NCAPD3: variants seen among roughly 807,000 people sequenced by gnomAD.
NCAPD3 encodes non-SMC condensin II complex subunit D3, also known as condensin-2 complex subunit D3.
In NCAPD3, 105 loss-of-function variants were observed where a neutral mutation model predicts 182.9. The ratio of observed to expected loss-of-function variants is 0.57; its 90% confidence interval spans 0.49 to 0.68. NCAPD3 has a LOEUF of 0.68. Among genes scored for constraint, NCAPD3 ranks in the 30% least tolerant of loss-of-function variants. NCAPD3 has a pLI of 0.00. For synonymous variants in NCAPD3, 815 were observed against 679.9 expected (o/e 1.20, Z -3.09); for missense variants, 1,944 against 1,837.0 (o/e 1.06, Z -1.07).
In NCAPD3 at chr11:134,185,506, A is replaced by C. The variant is rs1048901325; in HGVS notation, c.2066T>G (p.Phe689Cys). 6.2e-7 allele frequency: 1 copy of C among 1,602,986 alleles called. No individual in the cohort carries two copies. The highest frequency in any genetic ancestry group is 1.3e-5 in the African/African-American group (1 of 74,306). The stretch of plus-strand genomic sequence containing the variant: ...TTTTTCTTTCTTGGACCAGATATGA[A>C]AAGCCTTATTTAAATATCGGCTGGA... ...QELSRYLNKA[F>C]HIWSKKEKFS... The change falls in exon 17 of 35, where the codon TTT becomes TGT. Residue 689 changes from phenylalanine to cysteine, a missense_variant. This residue lies in a region of NCAPD3 where 1,803 missense variants were observed against 1,674.6 expected (regional missense o/e 1.08). Coordinates refer to ENST00000534548, the MANE Select transcript of NCAPD3 (RefSeq NM_015261.3).
Position 134,204,152 on chromosome 11 carries a change from T to C in NCAPD3, c.1109A>G (p.Tyr370Cys), listed in dbSNP as rs1157655772. 2 of 1,613,638 alleles carry C rather than the reference T, an allele frequency of 1.2e-6. No individual in the cohort carries two copies. The highest frequency in any genetic ancestry group is 1.3e-5 in the African/African-American group (1 of 74,886). The change falls in exon 10 of 35, where the codon TAT becomes TGT. Residue 370 changes from tyrosine (Y) to cysteine (C), a missense_variant. Coordinates refer to ENST00000534548, the MANE Select transcript of NCAPD3 (RefSeq NM_015261.3). This position sits in a 1 kb window ranked among gnomAD's most constrained non-coding sequence, Gnocchi z 4.3. Reference sequence around the variant, plus strand: ...TAGGGACTGGGCTGCAAAAGTACGATACTCTGATTTATCTACCACCTGAAA... The same window carrying C: ...TAGGGACTGGGCTGCAAAAGTACGACACTCTGATTTATCTACCACCTGAAA... ...ICAKVVDKSE[Y>C]RTFAAQSLVQ...
chr11:134,153,483 A>G, intron 32 of NCAPD3, 120 bp from the exon 33 acceptor site: 1 of 970,796 alleles, frequency 1.0e-6, no homozygotes, highest in Non-Finnish European at 1.7e-6. Context: ...CGGCCCTCAG[A>G]CCTCCACTGG....
Position 134,157,921 on chromosome 11 carries a change from G to A in NCAPD3, c.4174+7C>T, listed in dbSNP as rs749133222. 8 of 1,612,056 alleles carry A rather than the reference G, an allele frequency of 5.0e-6. No individual in the cohort carries two copies. In the African/African-American group the frequency reaches 5.3e-5, roughly 11 times the overall value. ...CTACTGTGTCTGGCACCAAACATAA[G>A]GCTTACCCTGACTGCACGTTTTTTC... is the stretch of plus-strand genomic sequence containing the variant. On this transcript the variant is annotated splice_region_variant and intron_variant, in intron 31 of 34. Coordinates refer to ENST00000534548, the MANE Select transcript of NCAPD3 (RefSeq NM_015261.3).
intron 32 of NCAPD3, among the ~76,000 whole-genome samples, chr11:134,154,815 G>C (rs1375942063): frequency 6.6e-6 from 1 of 152,248 alleles, no homozygotes; most frequent in Non-Finnish European, 1.5e-5. Context: ...CCCATTTACA[G>C]TTCAAAGCTC....
chr11:134,190,569 C>T (rs1397745126), intron 16 of NCAPD3, among the ~76,000 whole-genome samples: 1 of 152,168 alleles, frequency 6.6e-6, no homozygotes, highest in Non-Finnish European at 1.5e-5. Flanking sequence ...TCACTGCAGC[C>T]TCCACCTCCT....
Position 134,157,928 on chromosome 11 carries a change from C to A in NCAPD3, c.4174G>T (p.Val1392Leu). The A allele has an allele frequency of 6.2e-7, 1 of 1,613,076 alleles. No homozygotes were observed. Among genetic ancestry groups the A allele is most frequent in the Non-Finnish European group, 8.5e-7 (1 of 1,179,422 alleles). Reference protein sequence around the residue: ...SGSPEKTCSQVSSYSLEQESN... With the variant: ...SGSPEKTCSQLSSYSLEQESN... ...GTCTGGCACCAAACATAAGGCTTACCCTGACTGCACGTTTTTTCTGGGCTT... is the reference window on the plus strand; with the variant it reads ...GTCTGGCACCAAACATAAGGCTTACACTGACTGCACGTTTTTTCTGGGCTT... The change falls in exon 31 of 35, where the codon GTG becomes TTG. Residue 1392 changes from valine (V) to leucine (L), a missense_variant and splice_region_variant. By Grantham distance (32) the Val-to-Leu change is conservative. This residue lies in a region of NCAPD3 where 1,803 missense variants were observed against 1,674.6 expected (regional missense o/e 1.08). Coordinates refer to ENST00000534548, the MANE Select transcript of NCAPD3 (RefSeq NM_015261.3).
chr11:134,176,350 G>A lies in NCAPD3; in HGVS notation c.3058C>T (p.Arg1020Ter). The A allele has an allele frequency of 6.2e-6, 10 of 1,614,008 alleles. No individual in the cohort carries two copies. The highest frequency in any genetic ancestry group is 2.2e-5 in the East Asian group (1 of 44,882). Residue 1020 changes from arginine (R) to a stop codon, truncating the protein, a stop_gained, in exon 24 of 35, where the codon CGA (arginine) becomes TGA (stop). Coordinates refer to ENST00000534548, the MANE Select transcript of NCAPD3 (RefSeq NM_015261.3). LOFTEE classifies it high-confidence loss of function. ...GAATCGATCAGAGTGCTGACAAATC[G>A]GAAGAACAGGGAGCCCTTCCATTTC... ...FVKWKGSLFF[R>*]FVSTLIDSHP...
chr11:134,194,248 CTTAACATTT>C, intron 14 of NCAPD3, 98 bp from the exon 15 acceptor site: 1 of 1,333,064 alleles, frequency 7.5e-7, no homozygotes, highest in Non-Finnish European at 1.0e-6. Context: ...GTTTGTGGTT[CTTAACATTT>C]TGGGGTCATG....
At chr11:134,198,418 A>G (rs1483326584) in intron 13 of NCAPD3, among the ~76,000 whole-genome samples, 1 of 152,066 alleles carries the variant, frequency 6.6e-6, no homozygotes, top group African/African-American at 2.4e-5. Context: ...GACCAAACCA[A>G]TGTATCTATT....
chr11:134,159,957 C>T lies in NCAPD3; in HGVS notation c.3802G>A (p.Glu1268Lys). ...GCCACATCTGCATGTTTTGCTAGCT[C>T]CTGCTCCTGGACCAGCTGTTCCTGG... The part of the protein sequence containing the change: ...KYQEQLVQEQ[E>K]LAKHADVAGT... Residue 1268 changes from glutamate (E) to lysine (K), a missense_variant, in exon 29 of 35, where the codon GAG becomes AAG. Glu to Lys is a moderately conservative substitution (Grantham distance 56). Transcript: ENST00000534548. 6.2e-7 allele frequency: 1 copy of T among 1,614,050 alleles called. No individual in the cohort carries two copies. The highest frequency in any genetic ancestry group is 8.5e-7 in the Non-Finnish European group (1 of 1,180,040).
chr11:134,158,162 G>C (rs563323567), intron 30 of NCAPD3, 95 bp from the exon 31 acceptor site: 15 of 1,528,268 alleles, frequency 9.8e-6, no homozygotes, highest in African/African-American at 1.4e-5. Context: ...CCTCACCGGC[G>C]CATCCCTCAC....
chr11:134,219,585 T>C (rs1389234562), intron 2 of NCAPD3, among the ~76,000 whole-genome samples: 1 of 152,206 alleles, frequency 6.6e-6, no homozygotes, highest in Admixed American at 6.5e-5. Context: ...AACTTGGAAG[T>C]GAATTTTTTT....
At chr11:134,210,513 T>C (rs1937794585) in intron 3 of NCAPD3, 59 bp from the exon 4 acceptor site, 17 of 1,429,516 alleles carry the variant, frequency 1.2e-5, no homozygotes, top group Non-Finnish European at 1.6e-5. Context: ...AATATATCTA[T>C]AACATCAGAT....
At chr11:134,182,907 C>T in intron 19 of NCAPD3, 1 of 295,346 alleles carries the variant, frequency 3.4e-6, no homozygotes, top group South Asian at 2.8e-5. Flanking sequence ...CAGGGCCTTG[C>T]TCCTCTGTCA....
chr11:134,204,272 C>T lies in NCAPD3; in HGVS notation c.1090-101G>A, dbSNP rs1244963888. On this transcript the variant is annotated intron_variant, in intron 9 of 34. Coordinates refer to ENST00000534548, the MANE Select transcript of NCAPD3 (RefSeq NM_015261.3). This position sits in a 1 kb window ranked among gnomAD's most constrained non-coding sequence, Gnocchi z 4.3. ...TGAAAGTCAGTGAGTACAACTAGTTCAATGACCTTTAAATGTTACGTAAAT... is the reference window on the plus strand; with the variant it reads ...TGAAAGTCAGTGAGTACAACTAGTTTAATGACCTTTAAATGTTACGTAAAT... The T allele has an allele frequency of 7.7e-7, 1 of 1,299,042 alleles. No individual in the cohort carries two copies. The highest frequency in any genetic ancestry group is 2.3e-5 in the East Asian group (1 of 42,642). The allele number at this position is 1,299,042 out of a possible 1,614,324, so 80.5% of individuals were successfully genotyped here.
chr11:134,166,995 A>AGCTTAGGGGAGCT (rs1943840798), intron 27 of NCAPD3, among the ~76,000 whole-genome samples: 1 of 110,662 alleles, frequency 9.0e-6, no homozygotes, highest in Admixed American at 9.6e-5. Context: ...TAGTGAGATG[A>AGCTTAGGGGAGCT]GCTTAGGGGA....
rs75320783 is a variant in NCAPD3 at position 134,153,794 on chromosome 11, C to T, written c.4253-431G>A. ...TTCCAGCCAGTGACTGGAGCATGCG[C>T]GCTGGAAATATGGCACCGTGAGCAG... On this transcript the variant is annotated intron_variant, in intron 32 of 34. Coordinates refer to ENST00000534548, the MANE Select transcript of NCAPD3 (RefSeq NM_015261.3). 602 of 220,630 alleles carry T rather than the reference C, an allele frequency of 2.7e-3. 5 individuals carry two copies. Among genetic ancestry groups the T allele is most frequent in the African/African-American group, 0.013 (554 of 44,162 alleles). 13.7% of individuals were successfully genotyped at this position (220,630 alleles called of 1,614,324 possible).
At chr11:134,165,123 G>T (rs780300760) in intron 27 of NCAPD3, among the ~76,000 whole-genome samples, 1 of 149,088 alleles carries the variant, frequency 6.7e-6, no homozygotes. Flanking sequence ...TCACTTGTGA[G>T]ATGAGCTTAG....
intron 27 of NCAPD3, among the ~76,000 whole-genome samples, chr11:134,166,774 G>A (rs1482317273): frequency 1.1e-4 from 13 of 121,760 alleles, no homozygotes; most frequent in South Asian, 3.1e-4. Context: ...AGATGAGCTT[G>A]GGGGAGGCGC....
Sources: gnomAD v4.1 joint callset for allele counts (sites outside exome capture counted in the v4.1 genomes callset) on GRCh38, gnomAD v4.1.1 for gene constraint, gnomAD v4.1.1 regional missense constraint, Gnocchi (gnomAD v3.1) non-coding constraint, MANE v1.5 for transcripts, NCBI Gene and HGNC (gene_info 2026-07-23, HGNC 2026-07-21) for gene names.